Variants in RNF123 observed in about 807,000 individuals in gnomAD.
RNF123 encodes ring finger protein 123, also known as E3 ubiquitin-protein ligase RNF123.
Under a neutral mutation model 168.5 loss-of-function variants are expected in RNF123, and 86 were observed. The observed-to-expected ratio is 0.51, with a 90% CI of 0.43 to 0.61. RNF123 has a LOEUF of 0.61. RNF123 is among the 20% of genes least tolerant of loss of function. The pLI, the probability that RNF123 is intolerant of heterozygous loss-of-function variation, is 0.00. For missense variants in RNF123, 1,419 were observed against 1,729.7 expected, an observed-to-expected ratio of 0.82 and a Z score of 3.19; for synonymous variants, 666 against 689.1, an observed-to-expected ratio of 0.97 and a Z score of 0.52.
chr3:49,717,972 G>C, intron 35 of RNF123: 1 of 1,613,194 alleles, frequency 6.2e-7, no homozygotes, highest in African/African-American at 1.3e-5. Context: ...TGGGACCCTC[G>C]GAGCCTATGG....
At chr3:49,720,926 C>T (rs1031110547) in intron 37 of RNF123, 32 bp downstream of exon 37, 3 of 1,612,064 alleles carry the variant, frequency 1.9e-6, no homozygotes, top group Admixed American at 3.3e-5. Context: ...AGGTCCATGC[C>T]ACTTGAATAT....
intron 4 of RNF123, 53 bp from the exon 5 acceptor site, chr3:49,697,310 A>C: frequency 6.3e-7 from 1 of 1,589,152 alleles, no homozygotes; most frequent in Non-Finnish European, 8.6e-7. Flanking sequence ...AGGACACCCT[A>C]TGCATCCTGT....
chr3:49,715,400 G>C, intron 31 of RNF123, 175 bp from the exon 32 acceptor site: 1 of 743,426 alleles, frequency 1.3e-6, no homozygotes, highest in Non-Finnish European at 2.1e-6. Flanking sequence ...GACAGATTCT[G>C]TCCCAACTAA....
At position 49,691,111 on chromosome 3, in the gene RNF123, G is replaced by A; in HGVS notation, c.-36-19G>A. Reference sequence around the variant, plus strand: ...GCCCCTGGCTGGCCCTGAGTAGACAGGCTCTGTGTCTGGCTCAGCCCCCAG... The same window carrying A: ...GCCCCTGGCTGGCCCTGAGTAGACAAGCTCTGTGTCTGGCTCAGCCCCCAG... On this transcript the variant is annotated intron_variant, in intron 1 of 38. Coordinates refer to ENST00000327697, the MANE Select transcript of RNF123 (RefSeq NM_022064.5). The A allele has an allele frequency of 6.4e-7, 1 of 1,556,140 alleles. No homozygotes were observed. The highest frequency in any genetic ancestry group is 8.8e-7 in the Non-Finnish European group (1 of 1,130,746).
chr3:49,700,828 C>A (rs1221562738), intron 15 of RNF123, 119 bp downstream of exon 15: 1 of 1,064,012 alleles, frequency 9.4e-7, no homozygotes, highest in Non-Finnish European at 1.4e-6. Context: ...AGGACCAGAG[C>A]TGCCCAACGT....
chr3:49,697,442 T>C lies in RNF123; in HGVS notation c.327T>C (p.Asp109=). 6.2e-7 allele frequency: 1 copy of C among 1,608,212 alleles called. No individual in the cohort carries two copies. Among genetic ancestry groups the C allele is most frequent in the Non-Finnish European group, 8.5e-7 (1 of 1,176,974 alleles). The stretch of plus-strand genomic sequence containing the variant: ...GCTTTGAGGGGCTTCTCCTGGTGGA[T>C]GATGACCTGCTGGGGGTGAGTGAGG... ...TGGFEGLLLV[D]DDLLGVIGHS... is the part of the protein sequence containing the mutation. Residue 109 remains aspartate (D), a synonymous_variant, in exon 5 of 39, where the codon GAT becomes GAC. Coordinates refer to ENST00000327697, the MANE Select transcript of RNF123 (RefSeq NM_022064.5).
At chr3:49,703,796 C>T (rs556387642) in intron 21 of RNF123, among the ~76,000 whole-genome samples, 12 of 152,260 alleles carry the variant, frequency 7.9e-5, no homozygotes, top group African/African-American at 2.4e-4. Context: ...CAGGTGCTGC[C>T]GGAGCTGCCT....
chr3:49,721,365 C>CTATT lies in RNF123; in HGVS notation c.*64_*67dup, dbSNP rs1553691526. The stretch of plus-strand genomic sequence containing the variant: ...TTTGAACCCAGAGCCAGGCTGGGCC[C>CTATT]TATTTATGAGCTCCCTTTGCCCTTC... On this transcript the variant is annotated 3_prime_UTR_variant, in exon 39 of 39. Transcript: ENST00000327697. The CTATT allele has an allele frequency of 2.5e-6, 4 of 1,610,178 alleles. No homozygotes were observed. The highest frequency in any genetic ancestry group is 1.7e-6 in the Non-Finnish European group (2 of 1,176,632).
chr3:49,698,872 A>T lies in RNF123; in HGVS notation c.638+50A>T, dbSNP rs746670371. The T allele has an allele frequency of 1.9e-6, 3 of 1,606,420 alleles. No homozygotes were observed. In the South Asian group the frequency reaches 3.3e-5, roughly 18 times the overall value. ...GGCCTGGCCCCTGGGGCCTCCCCAGACTGCCCCCAGTTTCCTGGGCCCTGT... is the reference window on the plus strand; with the variant it reads ...GGCCTGGCCCCTGGGGCCTCCCCAGTCTGCCCCCAGTTTCCTGGGCCCTGT... On this transcript the variant is annotated intron_variant, in intron 9 of 38. Transcript: ENST00000327697.
At chr3:49,705,256 C>A in intron 23 of RNF123, 74 bp downstream of exon 23, 3 of 1,492,402 alleles carry the variant, frequency 2.0e-6, no homozygotes, top group Admixed American at 2.0e-5. Flanking sequence ...CCGGGCAAAG[C>A]CAAAATACAC....
At chr3:49,702,906 G>A (rs1346165133) in intron 20 of RNF123, among the ~76,000 whole-genome samples, 153 bp downstream of exon 20, 1 of 152,230 alleles carries the variant, frequency 6.6e-6, no homozygotes, top group Admixed American at 6.5e-5. Flanking sequence ...AGCCACAGGC[G>A]GCTTCTCCAC....
Position 49,704,967 on chromosome 3 carries a change from G to A in RNF123, c.1960-17G>A, listed in dbSNP as rs756251711. On this transcript the variant is annotated splice_polypyrimidine_tract_variant and intron_variant, in intron 22 of 38. Transcript: ENST00000327697. ...CCCTGAGCCAGCCCTGGTCCTGGCC[G>A]CCTTTCTTCACTGCAGCGCCCCATG... 1.4e-4 allele frequency: 230 copies of A among 1,588,814 alleles called. No individual in the cohort carries two copies. The highest frequency in any genetic ancestry group is 1.7e-4 in the Non-Finnish European group (204 of 1,168,162).
At chr3:49,700,764 C>T (rs1575525372) in intron 15 of RNF123, 55 bp downstream of exon 15, 2 of 1,583,288 alleles carry the variant, frequency 1.3e-6, no homozygotes, top group Non-Finnish European at 1.7e-6. Context: ...CTGGACTCAG[C>T]AGAGGCCAGG....
At position 49,699,229 on chromosome 3, in the gene RNF123, G is replaced by A; in HGVS notation, c.764+124G>A. ...GCCCTGGCTGCTGCAGAGTTAGTGG[G>A]GGGCCATGTAGAGTGTCGAAGAAAA... On this transcript the variant is annotated intron_variant, in intron 10 of 38. Coordinates refer to ENST00000327697, the MANE Select transcript of RNF123 (RefSeq NM_022064.5). The surrounding 1 kb of genome is among the most constrained non-coding windows in gnomAD (Gnocchi z 4.8). The A allele has an allele frequency of 7.4e-7, 1 of 1,356,144 alleles. No homozygotes were observed. The highest frequency in any genetic ancestry group is 1.4e-5 in the South Asian group (1 of 71,872). The allele number at this position is 1,356,144 out of a possible 1,614,324, so 84.0% of individuals were successfully genotyped here.
intron 1 of RNF123, 127 bp from the exon 2 acceptor site, chr3:49,691,003 G>A: frequency 1.6e-6 from 1 of 614,608 alleles, no homozygotes; most frequent in South Asian, 2.0e-5. Context: ...GCATTCCCCT[G>A]CCCTATGTGT....
At chr3:49,709,098 G>A (rs2080091288) in intron 26 of RNF123, among the ~76,000 whole-genome samples, 1 of 151,030 alleles carries the variant, frequency 6.6e-6, no homozygotes, top group Admixed American at 6.6e-5. Flanking sequence ...GGGACTACAG[G>A]TGCGCACCAC....
In RNF123 at chr3:49,720,665, G is replaced by A. The variant is rs780022191; in HGVS notation, c.3643+12G>A. ...CTCCCTGCAGAGCTGTGAGTGGGCT[G>A]GTGGGGCAGGTCAGGGAAATCTGGG... is the stretch of plus-strand genomic sequence containing the variant. On this transcript the variant is annotated intron_variant, in intron 36 of 38. Transcript: ENST00000327697. The A allele has an allele frequency of 1.9e-6, 3 of 1,595,522 alleles. No individual in the cohort carries two copies. Among genetic ancestry groups the A allele is most frequent in the Admixed American group, 3.4e-5 (2 of 59,374 alleles).
chr3:49,707,050 T>C (rs1223551719), intron 26 of RNF123, 152 bp downstream of exon 26: 2 of 661,812 alleles, frequency 3.0e-6, no homozygotes, highest in Non-Finnish European at 5.4e-6. Flanking sequence ...CCCCATGCCA[T>C]GTCCCCTGTA....
At chr3:49,717,861 C>T in intron 35 of RNF123, 2 of 1,408,276 alleles carry the variant, frequency 1.4e-6, no homozygotes, top group South Asian at 1.3e-5. Context: ...ACAGTGCTTC[C>T]CACCAGTATC....
Sources: allele counts gnomAD v4.1 joint callset (sites outside exome capture counted in the v4.1 genomes callset), GRCh38; gene constraint gnomAD v4.1.1; non-coding constraint Gnocchi (gnomAD v3.1); transcripts MANE v1.5; gene names NCBI Gene and HGNC (gene_info 2026-07-23, HGNC 2026-07-21).